Variants in NCBP1 observed in about 807,000 individuals in gnomAD.
NCBP1 encodes nuclear cap binding protein subunit 1.
In NCBP1, 16 loss-of-function variants were observed where a neutral mutation model predicts 111.7. That is an observed-to-expected ratio of 0.14 (90% CI 0.10 to 0.22). The LOEUF is 0.22. Ranked by LOEUF, NCBP1 falls within the 10% of genes least tolerant of loss-of-function variation. The probability of loss-of-function intolerance (pLI) is 1.00; values close to 1 mark genes in which losing one functional copy is unlikely to be tolerated. For synonymous variants in NCBP1, 304 were observed against 314.3 expected (o/e 0.97, Z 0.35); for missense variants, 607 against 957.5 (o/e 0.63, Z 4.83).
In NCBP1 at chr9:97,645,294, A is replaced by G. The variant is rs143963795; in HGVS notation, c.489+70A>G. On this transcript the variant is annotated intron_variant, in intron 5 of 22. Transcript: ENST00000375147. ...TTACTGAATCCTGGTACTTCCATATAGTACCAGGAATTTTTCGCTGATAAC... is the reference window on the plus strand; with the variant it reads ...TTACTGAATCCTGGTACTTCCATATGGTACCAGGAATTTTTCGCTGATAAC... 787 of 1,214,314 alleles carry G rather than the reference A, an allele frequency of 6.5e-4. 1 individual carries two copies. The African/African-American group carries it at 0.01, about 16-fold the overall frequency. The allele number at this position is 1,214,314 out of a possible 1,614,324, so 75.2% of individuals were successfully genotyped here.
intron 10 of NCBP1, among the ~76,000 whole-genome samples, 157 bp downstream of exon 10, chr9:97,651,530 G>T (rs532448726): frequency 2.4e-4 from 36 of 152,186 alleles, no homozygotes; most frequent in African/African-American, 7.9e-4. Context: ...GTCGGTTTTG[G>T]TGCTCTATTA....
chr9:97,648,140 A>T lies in NCBP1; in HGVS notation c.814A>T (p.Thr272Ser), dbSNP rs757856712. Residue 272 changes from threonine to serine, a missense_variant, in exon 8 of 23, where the codon ACA (threonine) becomes TCA (serine). Thr to Ser is a moderately conservative substitution (Grantham distance 58, BLOSUM62 1). Coordinates refer to ENST00000375147, the MANE Select transcript of NCBP1 (RefSeq NM_002486.5). ...EALQHNLPPF[T>S]PPPHTEDSVY... ...ACTGCAGCACAATCTGCCTCCTTTT[A>T]CACCACCTCCTCACACTGAAGATTC... 6.2e-7 allele frequency: 1 copy of T among 1,614,112 alleles called. No homozygotes were observed. Among genetic ancestry groups the T allele is most frequent in the Admixed American group, 1.7e-5 (1 of 60,020 alleles).
At chr9:97,642,705 G>A (rs948822727) in intron 3 of NCBP1, among the ~76,000 whole-genome samples, 13 of 152,146 alleles carry the variant, frequency 8.5e-5, no homozygotes, top group African/African-American at 3.1e-4. Flanking sequence ...TTTTAATTGT[G>A]CATCTTTTCT....
At chr9:97,651,969 A>G (rs558271557) in intron 10 of NCBP1, among the ~76,000 whole-genome samples, 22 of 152,284 alleles carry the variant, frequency 1.4e-4, no homozygotes, top group Admixed American at 2.0e-4. Context: ...ATATCAAAAA[A>G]CAGTGTTCAC....
intron 18 of NCBP1, among the ~76,000 whole-genome samples, 168 bp from the exon 19 acceptor site, chr9:97,664,168 CTCTG>C (rs1392327586): frequency 6.6e-6 from 1 of 152,004 alleles, no homozygotes; most frequent in African/African-American, 2.4e-5. Context: ...GACAGAGCAA[CTCTG>C]TCTCCCAAAA....
intron 20 of NCBP1, among the ~76,000 whole-genome samples, chr9:97,667,417 TG>T (rs1250047669): frequency 6.6e-6 from 1 of 152,014 alleles, no homozygotes; most frequent in Non-Finnish European, 1.5e-5. Context: ...TAGTAGAAGG[TG>T]AAAAAAAGTT....
intron 7 of NCBP1, 42 bp from the exon 8 acceptor site, chr9:97,647,966 A>G: frequency 6.8e-7 from 1 of 1,465,692 alleles, no homozygotes; most frequent in Non-Finnish European, 9.3e-7. Flanking sequence ...GTCTAGTCAA[A>G]ATGTTAATTA....
chr9:97,657,906 C>A (rs3052094), intron 14 of NCBP1, among the ~76,000 whole-genome samples: 254 of 127,494 alleles, frequency 2.0e-3, no homozygotes, highest in East Asian at 3.9e-3. Flanking sequence ...CTCTCTCTCT[C>A]TATATATATA....
At chr9:97,656,375 A>G (rs560149477) in intron 14 of NCBP1, among the ~76,000 whole-genome samples, 1 of 152,300 alleles carries the variant, frequency 6.6e-6, no homozygotes, top group Admixed American at 6.5e-5. Context: ...TGATGTGAGG[A>G]GTTCAGGCTA....
Position 97,655,775 on chromosome 9 carries a change from GTTTGT to G in NCBP1, c.1298+15_1298+19del, listed in dbSNP as rs756885505. The stretch of plus-strand genomic sequence containing the variant: ...GAGCTGGGAAGATTGGTAAGTGATG[GTTTGT>G]TTTATCTTTTTCTGTAGTCAAAAAA... On this transcript the variant is annotated intron_variant, in intron 13 of 22. Transcript: ENST00000375147. 2.5e-5 allele frequency: 40 copies of G among 1,605,112 alleles called. No individual in the cohort carries two copies. The highest frequency in any genetic ancestry group is 1.7e-4 in the Middle Eastern group (1 of 6,044).
At chr9:97,663,886 C>T (rs1827912818) in intron 18 of NCBP1, among the ~76,000 whole-genome samples, 1 of 151,800 alleles carries the variant, frequency 6.6e-6, no homozygotes, top group African/African-American at 2.4e-5. Flanking sequence ...AATCTTAAGA[C>T]CTAATGATCA....
At chr9:97,660,354 A>G (rs1007938167) in intron 15 of NCBP1, among the ~76,000 whole-genome samples, 1 of 152,194 alleles carries the variant, frequency 6.6e-6, no homozygotes, top group African/African-American at 2.4e-5. Context: ...AATTTTTATA[A>G]TAAGGACTCA....
chr9:97,648,278 G>T, intron 8 of NCBP1, 55 bp downstream of exon 8: 2 of 1,509,582 alleles, frequency 1.3e-6, no homozygotes, highest in Non-Finnish European at 9.2e-7. Context: ...TGTGCTTGTG[G>T]GTTAATCCCG....
At position 97,640,796 on chromosome 9, in the gene NCBP1, G is replaced by A; in HGVS notation, c.37G>A (p.Gly13Arg). ...RRRHSDENDG[G>R]QPHKRRKTSD... ...AATTTTTTATGTTGCTGAAATAGGTGGGCAGCCTCACAAAAGGAGAAAGAC... is the reference window on the plus strand; with the variant it reads ...AATTTTTTATGTTGCTGAAATAGGTAGGCAGCCTCACAAAAGGAGAAAGAC... Residue 13 changes from glycine to arginine, a missense_variant and splice_region_variant, in exon 2 of 23, where the codon GGG (glycine) becomes AGG (arginine). Physicochemically the swap from Gly to Arg is moderately radical, Grantham distance 125. This residue lies in a region of NCBP1 where 185 missense variants were observed against 272.0 expected (regional missense o/e 0.68). Transcript: ENST00000375147. 6.2e-7 allele frequency: 1 copy of A among 1,602,932 alleles called. No homozygotes were observed. Among genetic ancestry groups the A allele is most frequent in the African/African-American group, 1.3e-5 (1 of 74,268 alleles).
In NCBP1 at chr9:97,671,266, G is replaced by T; in HGVS notation, c.*67G>T. ...AAAATAATTTGTCTTATTTTTTGATGGTTTGAATGCTTGCTTTCTTGTAGT... is the reference window on the plus strand; with the variant it reads ...AAAATAATTTGTCTTATTTTTTGATTGTTTGAATGCTTGCTTTCTTGTAGT... On this transcript the variant is annotated 3_prime_UTR_variant, in exon 23 of 23. Coordinates refer to ENST00000375147, the MANE Select transcript of NCBP1 (RefSeq NM_002486.5). 1 of 1,163,990 alleles carries T rather than the reference G, an allele frequency of 8.6e-7. No homozygotes were observed. 72.1% of individuals were successfully genotyped at this position (1,163,990 alleles called of 1,614,324 possible).
At chr9:97,660,869 CT>C (rs963513416) in intron 15 of NCBP1, 76 bp from the exon 16 acceptor site, 1 of 1,476,978 alleles carries the variant, frequency 6.8e-7, no homozygotes, top group African/African-American at 1.4e-5. Flanking sequence ...AAAAATTTTT[CT>C]CAGTTATTTA....
chr9:97,654,054 G>C (rs1055413787), intron 11 of NCBP1, 146 bp downstream of exon 11: 14 of 609,578 alleles, frequency 2.3e-5, no homozygotes, highest in Non-Finnish European at 3.7e-5. Flanking sequence ...GTATGTACTT[G>C]TATGTCTGTA....
At chr9:97,657,885 GCTCTCT>G (rs3052096) in intron 14 of NCBP1, among the ~76,000 whole-genome samples, 2 of 114,016 alleles carry the variant, frequency 1.8e-5, no homozygotes, top group African/African-American at 3.6e-5. Flanking sequence ...GCCCCGGTAA[GCTCTCT>G]CTCTCTCTCT....
chr9:97,673,570 T>C lies in NCBP1; in HGVS notation c.*2371T>C, dbSNP rs893214867. On this transcript the variant is annotated 3_prime_UTR_variant, in exon 23 of 23. Coordinates refer to ENST00000375147, the MANE Select transcript of NCBP1 (RefSeq NM_002486.5). ...CTAGCAGCTTTAGTGTATGGAAAAA[T>C]TGAACTAGGAATTGAGTTTTGAAGA... is the stretch of plus-strand genomic sequence containing the variant. 3.3e-5 allele frequency: 5 copies of C among 152,130 alleles called. No homozygotes were observed. Among genetic ancestry groups the C allele is most frequent in the African/African-American group, 7.2e-5 (3 of 41,414 alleles). 9.4% of individuals were successfully genotyped at this position (152,130 alleles called of 1,614,324 possible).
Sources: gnomAD v4.1 joint callset for allele counts (sites outside exome capture counted in the v4.1 genomes callset) on GRCh38, gnomAD v4.1.1 for gene constraint, gnomAD v4.1.1 regional missense constraint, MANE v1.5 for transcripts, NCBI Gene and HGNC (gene_info 2026-07-23, HGNC 2026-07-21) for gene names.